Variants in DPP7 observed in about 807,000 individuals in gnomAD.
The protein encoded by DPP7 is dipeptidyl peptidase 2.
A neutral mutation model predicts 58.8 loss-of-function variants in DPP7; 74 were observed. The observed-to-expected ratio is 1.26, with a 90% CI of 1.04 to 1.53. The LOEUF (loss-of-function observed/expected upper bound fraction) is 1.53. Ranked by LOEUF, DPP7 falls within the 40% of genes most tolerant of loss-of-function variation. The pLI is 0.00. For missense variants in DPP7, 807 were observed against 692.3 expected (o/e 1.17, Z -1.86); for synonymous variants, 350 against 303.6 (o/e 1.15, Z -1.59).
At chr9:137,112,912 C>G (rs1034204289) in intron 7 of DPP7, 41 bp downstream of exon 7, 4 of 1,609,906 alleles carry the variant, frequency 2.5e-6, no homozygotes, top group African/African-American at 2.7e-5. Context: ...TCGGGACACT[C>G]CAGCCGGCCT....
In DPP7 at chr9:137,114,222, GCGACCCC is replaced by G; in HGVS notation, c.321+14_321+20del. The G allele has an allele frequency of 7.1e-7, 1 of 1,404,630 alleles. No individual in the cohort carries two copies. The highest frequency in any genetic ancestry group is 9.3e-7 in the Non-Finnish European group (1 of 1,070,188). The allele number at this position is 1,404,630 out of a possible 1,614,324, so 87.0% of individuals were successfully genotyped here. A position where few individuals can be genotyped will look rare whatever the true frequency, so the allele number is the denominator to read the frequency against. On this transcript the variant is annotated intron_variant, in intron 3 of 12. Transcript: ENST00000371579. Reference sequence around the variant, plus strand: ...ACCCACGTGCCCCGCGACCCCGCCCGCGACCCCGCCCGGCACCCACGTGCTCCGCGAA... The same window carrying G: ...ACCCACGTGCCCCGCGACCCCGCCCGGCCCGGCACCCACGTGCTCCGCGAA...
intron 2 of DPP7, 22 bp downstream of exon 2, chr9:137,114,441 C>CGGGCCG (rs942066673): frequency 9.6e-6 from 15 of 1,555,862 alleles, no homozygotes; most frequent in Middle Eastern, 2.1e-4. Flanking sequence ...CGGGGGCGGC[C>CGGGCCG]GGGCCGGGGC....
At chr9:137,115,877 C>T (rs1228274581), upstream of DPP7, among the ~76,000 whole-genome samples, 1 of 152,200 alleles carries the variant, frequency 6.6e-6, no homozygotes, top group East Asian at 1.9e-4. Flanking sequence ...GGGGCCCCCG[C>T]AGGACGGGGG....
intron 7 of DPP7, 34 bp downstream of exon 7, chr9:137,112,919 G>A (rs1831447637): frequency 6.2e-7 from 1 of 1,611,076 alleles, no homozygotes; most frequent in Non-Finnish European, 8.5e-7. Flanking sequence ...ACTCCAGCCG[G>A]CCTCTCCCTG....
At chr9:137,115,075 G>A (rs11788775), upstream of DPP7, 51,244 of 199,462 alleles carry the variant, frequency 0.26, 8,233 homozygotes, top group Non-Finnish European at 0.36. Context: ...AGGCAGGGCC[G>A]GGAGAGTGGG....
Position 137,113,519 on chromosome 9 carries a change from G to A in DPP7, c.486-23C>T, listed in dbSNP as rs539821144. The A allele has an allele frequency of 1.1e-4, 169 of 1,528,570 alleles. 3 individuals are homozygous for A. The South Asian group carries it at 2.0e-3, about 18-fold the overall frequency. 94.7% of individuals were successfully genotyped at this position (1,528,570 alleles called of 1,614,324 possible). On this transcript the variant is annotated intron_variant, in intron 4 of 12. Coordinates refer to ENST00000371579, the MANE Select transcript of DPP7 (RefSeq NM_013379.3). ...TAACTGGGTGAGGGACACAGGGTTA[G>A]GGCTGCTGCCCCCAACACCCCATTT...
At chr9:137,114,423 C>CG in intron 2 of DPP7, 40 bp downstream of exon 2, 1 of 1,557,430 alleles carries the variant, frequency 6.4e-7, no homozygotes, top group Non-Finnish European at 8.7e-7. Context: ...CGGGGGGCGG[C>CG]GGGACGGCGG....
At chr9:137,112,494 G>T in intron 8 of DPP7, 3 of 630,752 alleles carry the variant, frequency 4.8e-6, no homozygotes, top group Non-Finnish European at 8.2e-6. Flanking sequence ...TCCATGCTGG[G>T]GACCCCAGGG....
chr9:137,114,863 ACCCCGCG>A (rs935561226), upstream of DPP7: 68 of 463,918 alleles, frequency 1.5e-4, 1 homozygote, highest in East Asian at 8.1e-4. Flanking sequence ...GCCCCCCAAC[ACCCCGCG>A]CCCCGCGGCC....
At chr9:137,118,111 C>T (rs1328851472), upstream of DPP7, among the ~76,000 whole-genome samples, 1 of 152,038 alleles carries the variant, frequency 6.6e-6, no homozygotes, top group Non-Finnish European at 1.5e-5. Flanking sequence ...TCTCAGCCTC[C>T]GGAGTAGCTG....
upstream of DPP7, chr9:137,115,059 A>G (rs746453758): frequency 1.4e-5 from 3 of 211,776 alleles, no homozygotes; most frequent in Non-Finnish European, 2.8e-5. Context: ...CAGGTGCCCC[A>G]CTCCAAGGCA....
Position 137,111,637 on chromosome 9 carries a change from CAAA to C in DPP7, c.1272+50_1272+52del, listed in dbSNP as rs61364468. ...TGGGCGCCAGAGAAAGACCCTGTCT[CAAA>C]AAAAAAACAAACAAACTAACGGGGT... On this transcript the variant is annotated intron_variant, in intron 11 of 12. Transcript: ENST00000371579. 24 of 1,353,068 alleles carry C rather than the reference CAAA, an allele frequency of 1.8e-5. No individual in the cohort carries two copies. The East Asian group carries it at 5.7e-4, about 32-fold the overall frequency. 83.8% of individuals were successfully genotyped at this position (1,353,068 alleles called of 1,614,324 possible). A position where few individuals can be genotyped will look rare whatever the true frequency, so the allele number is the denominator to read the frequency against.
chr9:137,111,792 AC>A, intron 10 of DPP7, 38 bp from the exon 11 acceptor site: 1 of 1,613,326 alleles, frequency 6.2e-7, no homozygotes, highest in South Asian at 1.1e-5. Context: ...TGGGCCCCTC[AC>A]GGGGGCTGTG....
intron 7 of DPP7, 54 bp downstream of exon 7, chr9:137,112,899 G>A (rs1361178754): frequency 6.2e-7 from 1 of 1,607,702 alleles, no homozygotes; most frequent in South Asian, 1.1e-5. Context: ...CTGACCACCA[G>A]CCTCGGGACA....
At position 137,113,469 on chromosome 9, in the gene DPP7, CAGGT is replaced by C. The variant is rs752759966; in HGVS notation, c.509_512del (p.Tyr170Ter). On this transcript the variant is annotated frameshift_variant, in exon 5 of 13. Transcript: ENST00000371579. LOFTEE classifies it high-confidence loss of function. Reference sequence around the variant, plus strand: ...CCACCAGGTGGGGATACTTCATCCTCAGGTAGGCACTGAGCATCCCCCCATAACT... The same window carrying C: ...CCACCAGGTGGGGATACTTCATCCTCAGGCACTGAGCATCCCCCCATAACT... The C allele has an allele frequency of 1.0e-5, 16 of 1,593,052 alleles. No homozygotes were observed. The highest frequency in any genetic ancestry group is 1.3e-5 in the African/African-American group (1 of 74,074).
rs1473452094 is a variant in DPP7, at chr9:137,114,555, C to A, written c.89G>T (p.Gly30Val). The A allele has an allele frequency of 1.3e-6, 2 of 1,561,590 alleles. No individual in the cohort carries two copies. The highest frequency in any genetic ancestry group is 1.7e-6 in the Non-Finnish European group (2 of 1,155,210). ...CTGCTGGAAGAAGCGCTCCTGGAAG[C>A]CGGGGTCCGGGGCCCTGCGGGCTGT... ...QAGARRAPDPGFQERFFQQRL... is the reference protein window; with the variant it reads ...QAGARRAPDPVFQERFFQQRL... Residue 30 changes from glycine (G) to valine (V), a missense_variant, in exon 2 of 13, where the codon GGC becomes GTC. Coordinates refer to ENST00000371579, the MANE Select transcript of DPP7 (RefSeq NM_013379.3).
chr9:137,116,848 T>G (rs189487233), upstream of DPP7, among the ~76,000 whole-genome samples: 501 of 152,326 alleles, frequency 3.3e-3, 4 homozygotes, highest in South Asian at 0.023. Context: ...GGAGGCGAGA[T>G]ATGCTGGCGG....
rs752609405 is a variant in DPP7, at chr9:137,110,969, ACTC to A, written c.1273-22_1273-20del. 3.1e-6 allele frequency: 5 copies of A among 1,611,626 alleles called. No individual in the cohort carries two copies. The East Asian group carries it at 8.9e-5, about 29-fold the overall frequency. On this transcript the variant is annotated intron_variant, in intron 11 of 12. Coordinates refer to ENST00000371579, the MANE Select transcript of DPP7 (RefSeq NM_013379.3). The stretch of plus-strand genomic sequence containing the variant: ...TCCGAATCTGTGGTCAGTGGAAAGA[ACTC>A]CATCAGGTGAGGAACGAGGCAACTG...
At chr9:137,114,998 T>G, upstream of DPP7, 1 of 283,480 alleles carries the variant, frequency 3.5e-6, no homozygotes, top group Non-Finnish European at 6.5e-6. Context: ...GGAGCTGCGC[T>G]AGGGCGAGTC....
Sources: allele counts gnomAD v4.1 joint callset (sites outside exome capture counted in the v4.1 genomes callset), GRCh38; gene constraint gnomAD v4.1.1; transcripts MANE v1.5; gene names NCBI Gene and HGNC (gene_info 2026-07-23, HGNC 2026-07-21).